Variants in EIF4A1 observed in about 807,000 individuals in gnomAD.
EIF4A1 encodes eukaryotic initiation factor 4A-I.
Under a neutral mutation model 53.5 loss-of-function variants are expected in EIF4A1, and 11 were observed. The observed-to-expected ratio is 0.21, with a 90% CI of 0.13 to 0.34. The LOEUF (loss-of-function observed/expected upper bound fraction) is 0.34. Among genes scored for constraint, EIF4A1 ranks in the 10% least tolerant of loss-of-function variants. The pLI, the probability that EIF4A1 is intolerant of heterozygous loss-of-function variation, is 1.00. For synonymous variants in EIF4A1, 237 were observed against 186.7 expected, an observed-to-expected ratio of 1.27 and a Z score of -2.20; for missense variants, 213 against 530.8, an observed-to-expected ratio of 0.40 and a Z score of 5.88.
At chr17:7,574,083 A>G (rs2071366105) in intron 1 of EIF4A1, 177 bp from the exon 2 acceptor site, 1 of 695,520 alleles carries the variant, frequency 1.4e-6, no homozygotes, top group South Asian at 1.8e-5. Context: ...TGCATGGGGC[A>G]AATGCCTCAG....
intron 2 of EIF4A1, 104 bp from the exon 3 acceptor site, chr17:7,574,442 C>T (rs918901831): frequency 1.0e-5 from 16 of 1,600,818 alleles, no homozygotes; most frequent in Non-Finnish European, 1.4e-5. Flanking sequence ...GGGTTGTAAG[C>T]TCTGAGGCTT....
Position 7,577,907 on chromosome 17 carries a change from T to G in EIF4A1, c.987T>G (p.Thr329=), listed in dbSNP as rs771576762. The change falls in exon 9 of 11, where the codon ACT becomes ACG. Residue 329 remains threonine, a synonymous_variant. Coordinates refer to ENST00000293831, the MANE Select transcript of EIF4A1 (RefSeq NM_001416.4). This position sits in a 1 kb window ranked among gnomAD's most constrained non-coding sequence, Gnocchi z 4.7. ...RSGSSRVLIT[T]DLLARGIDVQ... is the part of the protein sequence containing the mutation. Reference sequence around the variant, plus strand: ...GCTCTAGCAGAGTTTTGATTACCACTGACCTGCTGGTGAGTAGAGGGAACT... The same window carrying G: ...GCTCTAGCAGAGTTTTGATTACCACGGACCTGCTGGTGAGTAGAGGGAACT... 11 of 1,614,180 alleles carry G rather than the reference T, an allele frequency of 6.8e-6. No individual in the cohort carries two copies. The South Asian group carries it at 1.1e-4, about 16-fold the overall frequency.
In EIF4A1 at chr17:7,578,953, T is replaced by C. The variant is rs1014773749; in HGVS notation, c.*467T>C. 6.4e-6 allele frequency: 1 copy of C among 155,236 alleles called. No homozygotes were observed. The highest frequency in any genetic ancestry group is 1.4e-5 in the Non-Finnish European group (1 of 69,788). 9.6% of individuals were successfully genotyped at this position (155,236 alleles called of 1,614,324 possible). A position where few individuals can be genotyped will look rare whatever the true frequency, so the allele number is the denominator to read the frequency against. ...TTTTTACATTGTTTTGTATAGTATTTATTGATTCAGGAAACAAACACAAAA... is the reference window on the plus strand; with the variant it reads ...TTTTTACATTGTTTTGTATAGTATTCATTGATTCAGGAAACAAACACAAAA... On this transcript the variant is annotated 3_prime_UTR_variant, in exon 11 of 11. Transcript: ENST00000293831.
chr17:7,574,124 T>G (rs2071366645), intron 1 of EIF4A1, 136 bp from the exon 2 acceptor site: 2 of 973,476 alleles, frequency 2.1e-6, no homozygotes, highest in Non-Finnish European at 3.1e-6. Context: ...TGGGTATTTT[T>G]TGGGAGCTGG....
At chr17:7,576,905 C>A in intron 5 of EIF4A1, 151 bp from the exon 6 acceptor site, 1 of 1,335,072 alleles carries the variant, frequency 7.5e-7, no homozygotes, top group Non-Finnish European at 1.1e-6. Context: ...TGTTGTCTGC[C>A]TGGCGGGAAG....
intron 1 of EIF4A1, chr17:7,573,171 G>T (rs994869342): frequency 1.4e-5 from 8 of 557,844 alleles, no homozygotes; most frequent in African/African-American, 1.1e-4. Flanking sequence ...CCTGGCGTGG[G>T]AAAGAAAGGT....
chr17:7,575,581 G>C (rs985822804), intron 4 of EIF4A1: 1 of 436,110 alleles, frequency 2.3e-6, no homozygotes, highest in Non-Finnish European at 4.3e-6. Flanking sequence ...AGTCAGAGCA[G>C]ATGGACAGTC....
In EIF4A1 at chr17:7,577,727, C is replaced by A; in HGVS notation, c.906+21C>A. On this transcript the variant is annotated intron_variant, in intron 8 of 10. Transcript: ENST00000293831. The surrounding 1 kb of genome is among the most constrained non-coding windows in gnomAD (Gnocchi z 4.7). The stretch of plus-strand genomic sequence containing the variant: ...CCATGGTGTGTTTGCCCGCTGCCAG[C>A]CTGTTGTGGGTCTGCCCGTCAGAAG... 6.2e-7 allele frequency: 1 copy of A among 1,613,684 alleles called. No individual in the cohort carries two copies. Among genetic ancestry groups the A allele is most frequent in the Non-Finnish European group, 8.5e-7 (1 of 1,179,982 alleles).
chr17:7,576,422 GC>G, intron 4 of EIF4A1, 101 bp from the exon 5 acceptor site: 2 of 1,416,090 alleles, frequency 1.4e-6, no homozygotes, highest in Non-Finnish European at 1.9e-6. Flanking sequence ...AATAGTGCAT[GC>G]CCCAAAGTTG....
intron 1 of EIF4A1, 72 bp from the exon 2 acceptor site, chr17:7,574,188 C>T: frequency 1.3e-6 from 2 of 1,592,010 alleles, no homozygotes; most frequent in Non-Finnish European, 1.7e-6. Context: ...CCACTCCTGA[C>T]AGAGCCCGGC....
Position 7,577,942 on chromosome 17 carries a change from G to C in EIF4A1, c.996+26G>C. 6.2e-7 allele frequency: 1 copy of C among 1,613,874 alleles called. No homozygotes were observed. The highest frequency in any genetic ancestry group is 8.5e-7 in the Non-Finnish European group (1 of 1,179,764). ...GTGAGTAGAGGGAACTGATAGCAAAGGCAGAAGGGAGGATCCAAGGTGATT... is the reference window on the plus strand; with the variant it reads ...GTGAGTAGAGGGAACTGATAGCAAACGCAGAAGGGAGGATCCAAGGTGATT... On this transcript the variant is annotated intron_variant, in intron 9 of 10. Coordinates refer to ENST00000293831, the MANE Select transcript of EIF4A1 (RefSeq NM_001416.4). This position sits in a 1 kb window ranked among gnomAD's most constrained non-coding sequence, Gnocchi z 4.7.
intron 3 of EIF4A1, chr17:7,574,917 T>G (rs2071380757): frequency 1.0e-6 from 1 of 1,002,566 alleles, no homozygotes; most frequent in Non-Finnish European, 1.6e-6. Context: ...TAGTCCAGCT[T>G]GGTGTGCAAT....
intron 3 of EIF4A1, 82 bp from the exon 4 acceptor site, chr17:7,575,037 T>C: frequency 6.4e-7 from 1 of 1,563,774 alleles, no homozygotes; most frequent in Non-Finnish European, 8.7e-7. Context: ...CATTGGTTGC[T>C]TATTGACCTC....
In EIF4A1 at chr17:7,574,196, G is replaced by A. The variant is rs887484078; in HGVS notation, c.24-64G>A. ...ATGCAGGCCACTCCTGACAGAGCCC[G>A]GCTGTCAGGATTTCTGAGTGCTTCG... On this transcript the variant is annotated intron_variant, in intron 1 of 10. Coordinates refer to ENST00000293831, the MANE Select transcript of EIF4A1 (RefSeq NM_001416.4). 4.4e-6 allele frequency: 7 copies of A among 1,588,448 alleles called. 1 individual carries two copies. The highest frequency in any genetic ancestry group is 4.1e-4 in the Middle Eastern group (2 of 4,842).
At chr17:7,575,462 G>A in intron 4 of EIF4A1, 1 of 842,262 alleles carries the variant, frequency 1.2e-6, no homozygotes, top group East Asian at 2.7e-5. Context: ...GAGTCAAATG[G>A]GAAAGCTGTT....
chr17:7,573,085 G>T (rs73242233), intron 1 of EIF4A1: 3 of 695,366 alleles, frequency 4.3e-6, no homozygotes, highest in Non-Finnish European at 7.2e-6. Flanking sequence ...AGGCGTGCGA[G>T]GTCTGTTACG....
At chr17:7,575,386 C>A (rs747245897) in intron 4 of EIF4A1, 128 bp downstream of exon 4, 4 of 1,322,078 alleles carry the variant, frequency 3.0e-6, no homozygotes, top group Non-Finnish European at 1.1e-6. Flanking sequence ...ACTCTCGAGA[C>A]CTGCTGGGTT....
At chr17:7,573,248 G>A (rs1409671045) in intron 1 of EIF4A1, 1 of 377,038 alleles carries the variant, frequency 2.7e-6, no homozygotes, top group Non-Finnish European at 4.9e-6. Context: ...GCCGGGGGAG[G>A]GACGGCGCGC....
In EIF4A1 at chr17:7,574,074, G is replaced by A. The variant is rs980634337; in HGVS notation, c.24-186G>A. The A allele has an allele frequency of 1.1e-5, 7 of 657,630 alleles. No individual in the cohort carries two copies. In the East Asian group the frequency reaches 1.9e-4, roughly 18 times the overall value. 40.7% of individuals were successfully genotyped at this position (657,630 alleles called of 1,614,324 possible). ...GGTGGCCTGGCCTGAGCCGCTGCCT[G>A]CATGGGGCAAATGCCTCAGTTTTAT... On this transcript the variant is annotated intron_variant, in intron 1 of 10. Transcript: ENST00000293831.
Sources: allele counts gnomAD v4.1 joint callset, GRCh38; gene constraint gnomAD v4.1.1; non-coding constraint Gnocchi (gnomAD v3.1); transcripts MANE v1.5; gene names NCBI Gene and HGNC (gene_info 2026-07-23, HGNC 2026-07-21).